The following ABCA7 variants were observed in gnomAD, a reference collection of about 807,000 sequenced individuals.
ABCA7 encodes phospholipid-transporting ATPase ABCA7.
Under a neutral mutation model 227.6 loss-of-function variants are expected in ABCA7, and 261 were observed. The observed-to-expected ratio is 1.15, with a 90% CI of 1.04 to 1.27. The LOEUF is 1.27. Ranked by LOEUF, ABCA7 falls within the 50% of genes most tolerant of loss-of-function variation. ABCA7 has a pLI of 0.00. For synonymous variants in ABCA7, 1,488 were observed against 1,279.7 expected (o/e 1.16, Z -3.47); for missense variants, 3,331 against 2,924.5 (o/e 1.14, Z -3.21).
In ABCA7 at chr19:1,056,172, G is replaced by A. The variant is rs372575675; in HGVS notation, c.4345G>A (p.Gly1449Arg). 4.3e-5 allele frequency: 69 copies of A among 1,608,188 alleles called. No homozygotes were observed. The highest frequency in any genetic ancestry group is 1.6e-4 in the Middle Eastern group (1 of 6,078). Residue 1449 changes from glycine (G) to arginine (R), a missense_variant, in exon 32 of 47, where the codon GGG (glycine) becomes AGG (arginine). Transcript: ENST00000263094. The surrounding 1 kb of genome is among the most constrained non-coding windows in gnomAD (Gnocchi z 4.3). ...LWALLSPLPG[G>R]ALDRVLKNLT... ...GGCGCTGCTGAGTCCCCTGCCTGGC[G>A]GGGCCCTCGACCGTGTCCTGAAAAA...
chr19:1,054,052 C>A lies in ABCA7; in HGVS notation c.3519C>A (p.Asp1173Glu). ...QHLCTGIAGLDVTLRLKMPPQ... is the reference protein window; with the variant it reads ...QHLCTGIAGLEVTLRLKMPPQ... ...TATGCACAGGCATTGCTGGCCTAGA[C>A]GTAACCCTACGGCTCAAGATGCCGC... The change falls in exon 26 of 47, where the codon GAC becomes GAA. Residue 1173 changes from aspartate to glutamate, a missense_variant. Coordinates refer to ENST00000263094, the MANE Select transcript of ABCA7 (RefSeq NM_019112.4). This position sits in a 1 kb window ranked among gnomAD's most constrained non-coding sequence, Gnocchi z 4.8. 6.2e-7 allele frequency: 1 copy of A among 1,613,360 alleles called. No individual in the cohort carries two copies. The highest frequency in any genetic ancestry group is 2.2e-5 in the East Asian group (1 of 44,888).
Position 1,043,265 on chromosome 19 carries a change from C to G in ABCA7, c.790+14C>G. On this transcript the variant is annotated intron_variant, in intron 8 of 46. Coordinates refer to ENST00000263094, the MANE Select transcript of ABCA7 (RefSeq NM_019112.4). ...ACAGCAGCCTGAGTGAGTGACTGAC[C>G]TCGGTTTCCCCTCTTGGGAAGTGGA... 2 of 1,608,624 alleles carry G rather than the reference C, an allele frequency of 1.2e-6. No homozygotes were observed. The highest frequency in any genetic ancestry group is 1.7e-6 in the Non-Finnish European group (2 of 1,176,428).
In ABCA7 at chr19:1,041,583, C is replaced by G; in HGVS notation, c.140C>G (p.Pro47Arg). ...CTGGTGGCTGTTCGCCACTCCCACCCGCCCCTGGAGCACCATGAATGTGAG... is the reference window on the plus strand; with the variant it reads ...CTGGTGGCTGTTCGCCACTCCCACCGGCCCCTGGAGCACCATGAATGTGAG... Reference protein sequence around the residue: ...FILVAVRHSHPPLEHHECHFP... With the variant: ...FILVAVRHSHRPLEHHECHFP... Residue 47 changes from proline to arginine, a missense_variant, in exon 3 of 47, where the codon CCG becomes CGG. Pro to Arg is a moderately radical substitution (Grantham distance 103). Transcript: ENST00000263094. 3.7e-6 allele frequency: 6 copies of G among 1,612,618 alleles called. No individual in the cohort carries two copies. The highest frequency in any genetic ancestry group is 5.1e-6 in the Non-Finnish European group (6 of 1,180,022).
Position 1,051,141 on chromosome 19 carries a change from T to C in ABCA7, c.2685-14T>C, listed in dbSNP as rs2041586668. On this transcript the variant is annotated splice_polypyrimidine_tract_variant and intron_variant, in intron 19 of 46. Coordinates refer to ENST00000263094, the MANE Select transcript of ABCA7 (RefSeq NM_019112.4). The stretch of plus-strand genomic sequence containing the variant: ...CTGCCATGTGGGTCACTCTGCTCTG[T>C]GCACTGGCCGCAGGCTGACCGTGGA... 3.2e-6 allele frequency: 5 copies of C among 1,581,854 alleles called. No homozygotes were observed. The highest frequency in any genetic ancestry group is 4.3e-6 in the Non-Finnish European group (5 of 1,164,110).
In ABCA7 at chr19:1,054,373, G is replaced by A. The variant is rs2042055970; in HGVS notation, c.3726+32G>A. 6.4e-7 allele frequency: 1 copy of A among 1,572,400 alleles called. No homozygotes were observed. Among genetic ancestry groups the A allele is most frequent in the African/African-American group, 1.3e-5 (1 of 74,238 alleles). ...AGGGCTAGCACCAGGGAGTCGCATGGGAGTCCCTGAGTTCCCTACCCTGGC... is the reference window on the plus strand; with the variant it reads ...AGGGCTAGCACCAGGGAGTCGCATGAGAGTCCCTGAGTTCCCTACCCTGGC... On this transcript the variant is annotated intron_variant, in intron 27 of 46. Transcript: ENST00000263094. The surrounding 1 kb of genome is among the most constrained non-coding windows in gnomAD (Gnocchi z 4.8).
intron 20 of ABCA7, 37 bp downstream of exon 20, chr19:1,051,331 G>C: frequency 1.3e-6 from 2 of 1,488,462 alleles, no homozygotes; most frequent in African/African-American, 1.4e-5. Context: ...CTCACAGGGA[G>C]GGGCCTGGGG....
chr19:1,054,952 C>T lies in ABCA7; in HGVS notation c.3950+74C>T. 6.4e-7 allele frequency: 1 copy of T among 1,550,594 alleles called. No individual in the cohort carries two copies. On this transcript the variant is annotated intron_variant, in intron 29 of 46. Transcript: ENST00000263094. This position sits in a 1 kb window ranked among gnomAD's most constrained non-coding sequence, Gnocchi z 4.8. ...TCCCATCTGGTCCCTGGCCAGGGAGCCTCAGGGGGCACCTGGAGCATCCCC... is the reference window on the plus strand; with the variant it reads ...TCCCATCTGGTCCCTGGCCAGGGAGTCTCAGGGGGCACCTGGAGCATCCCC...
intron 40 of ABCA7, among the ~76,000 whole-genome samples, chr19:1,060,951 A>C (rs977160924): frequency 2.0e-5 from 3 of 152,114 alleles, no homozygotes; most frequent in Non-Finnish European, 2.9e-5. Context: ...ATATTTGTTG[A>C]GCACTGCTGC....
Position 1,064,220 on chromosome 19 carries a change from G to C in ABCA7, c.6011G>C (p.Arg2004Pro). 6.4e-7 allele frequency: 1 copy of C among 1,571,842 alleles called. No individual in the cohort carries two copies. Among genetic ancestry groups the C allele is most frequent in the Non-Finnish European group, 8.6e-7 (1 of 1,160,190 alleles). ...GCCATCATGGTGAATGGGCGGTTCC[G>C]CTGCCTGGGCAGCCCGCAACATCTC... ...RLAIMVNGRF[R>P]CLGSPQHLKG... Residue 2004 changes from arginine (R) to proline (P), a missense_variant, in exon 45 of 47, where the codon CGC becomes CCC. Arg to Pro is a moderately radical substitution (Grantham distance 103). Transcript: ENST00000263094.
chr19:1,065,087 G>T lies in ABCA7; in HGVS notation c.6201G>T (p.Leu2067=). Residue 2067 remains leucine, a synonymous_variant, in exon 46 of 47, where the codon CTG becomes CTT. Coordinates refer to ENST00000263094, the MANE Select transcript of ABCA7 (RefSeq NM_019112.4). ...TGCCGCCGGGAGGGCGCTGCGCCCT[G>T]GCGCGCGTCTTTGGAGAGCTGGCGG... ...FQLPPGGRCA[L]ARVFGELAVH... is the part of the protein sequence containing the mutation. 6.4e-7 allele frequency: 1 copy of T among 1,574,536 alleles called. No individual in the cohort carries two copies.
In ABCA7 at chr19:1,049,311, T is replaced by A. The variant is rs377098303; in HGVS notation, c.2426T>A (p.Val809Asp). 5.0e-6 allele frequency: 8 copies of A among 1,611,280 alleles called. No homozygotes were observed. In the African/African-American group the frequency reaches 1.1e-4, roughly 22 times the overall value. Reference sequence around the variant, plus strand: ...CCCGGCCTGAGTCCTGGCGTCTCCGTTCGCAGCCTGGAGAAGCGCTTTCCT... The same window carrying A: ...CCCGGCCTGAGTCCTGGCGTCTCCGATCGCAGCCTGGAGAAGCGCTTTCCT... ...APPGLSPGVS[V>D]RSLEKRFPGS... is the part of the protein sequence containing the mutation. The change falls in exon 18 of 47, where the codon GTT (valine) becomes GAT (aspartate). Residue 809 changes from valine (V) to aspartate (D), a missense_variant. Physicochemically the swap from Val to Asp is radical, Grantham distance 152. Transcript: ENST00000263094.
In ABCA7 at chr19:1,044,710, G is replaced by C. The variant is rs746230971; in HGVS notation, c.1181G>C (p.Gly394Ala). ...TGGCAGGACGCACACGCTGATGTGG[G>C]GCACCTGGTGGGCACGCTGGGCCGA... Reference protein sequence around the residue: ...YSWQDAHADVGHLVGTLGRVT... With the variant: ...YSWQDAHADVAHLVGTLGRVT... The change falls in exon 11 of 47, where the codon GGG becomes GCG. Residue 394 changes from glycine (G) to alanine (A), a missense_variant. Transcript: ENST00000263094. 1 of 1,611,036 alleles carries C rather than the reference G, an allele frequency of 6.2e-7. No individual in the cohort carries two copies. The highest frequency in any genetic ancestry group is 8.5e-7 in the Non-Finnish European group (1 of 1,179,764).
chr19:1,047,841 G>T (rs2040868188), intron 16 of ABCA7, among the ~76,000 whole-genome samples, 187 bp downstream of exon 16: 1 of 152,182 alleles, frequency 6.6e-6, no homozygotes, highest in Non-Finnish European at 1.5e-5. Context: ...CAGGTGGGCG[G>T]GGTTTCTGGG....
chr19:1,061,711 AAAAAG>A, intron 40 of ABCA7, 66 bp from the exon 41 acceptor site: 1 of 1,450,312 alleles, frequency 6.9e-7, no homozygotes, highest in Admixed American at 2.3e-5. Flanking sequence ...AAAAAAAAAA[AAAAAG>A]AAATCAGAGA....
At chr19:1,063,212 G>A in intron 42 of ABCA7, among the ~76,000 whole-genome samples, 3 of 79,032 alleles carry the variant, frequency 3.8e-5, no homozygotes, top group African/African-American at 1.1e-4. Context: ...CTCCACCAGT[G>A]TGGCCCCGCC....
At position 1,047,283 on chromosome 19, in the gene ABCA7, G is replaced by A; in HGVS notation, c.1972G>A (p.Ala658Thr). Residue 658 changes from alanine to threonine, a missense_variant, in exon 15 of 47, where the codon GCC becomes ACC. Transcript: ENST00000263094. ...AFFSRANLAA[A>T]CGGLAYFSLY... Reference sequence around the variant, plus strand: ...CTTCTCCCGCGCCAACCTGGCTGCGGCCTGCGGCGGCCTGGCCTACTTCTC... The same window carrying A: ...CTTCTCCCGCGCCAACCTGGCTGCGACCTGCGGCGGCCTGGCCTACTTCTC... 1 of 1,604,930 alleles carries A rather than the reference G, an allele frequency of 6.2e-7. No homozygotes were observed.
intron 22 of ABCA7, 40 bp from the exon 23 acceptor site, chr19:1,052,174 G>A: frequency 1.9e-6 from 3 of 1,598,720 alleles, no homozygotes; most frequent in Non-Finnish European, 2.6e-6. Context: ...ACTCTGTTCA[G>A]CCCTGAAGGC....
Position 1,056,696 on chromosome 19 carries a change from C to T in ABCA7, c.4586+197C>T, listed in dbSNP as rs2042284821. 6.6e-6 allele frequency among the ~76,000 whole-genome samples: 1 copy of T among 152,186 alleles called. No individual in the cohort carries two copies. Among genetic ancestry groups the T allele is most frequent in the Admixed American group, 6.5e-5 (1 of 15,278 alleles). On this transcript the variant is annotated intron_variant, in intron 33 of 46. Coordinates refer to ENST00000263094, the MANE Select transcript of ABCA7 (RefSeq NM_019112.4). The surrounding 1 kb of genome is among the most constrained non-coding windows in gnomAD (Gnocchi z 4.3). ...ACTCAGCGGGCCCCAGCCTCCCCCA[C>T]ACATCCTCATCCCACCAACCTTTAT...
intron 41 of ABCA7, 84 bp from the exon 42 acceptor site, chr19:1,062,088 G>C (rs1044442415): frequency 1.8e-5 from 28 of 1,560,036 alleles, no homozygotes; most frequent in Non-Finnish European, 2.3e-5. Context: ...GCCCTGGATG[G>C]GTGGGCCCTG....
Sources: gnomAD v4.1 joint callset for allele counts (sites outside exome capture counted in the v4.1 genomes callset) on GRCh38, gnomAD v4.1.1 for gene constraint, Gnocchi (gnomAD v3.1) non-coding constraint, MANE v1.5 for transcripts, NCBI Gene and HGNC (gene_info 2026-07-23, HGNC 2026-07-21) for gene names.